DYNC1I1: variants seen among roughly 807,000 people sequenced by gnomAD.
DYNC1I1 encodes the protein cytoplasmic dynein 1 intermediate chain 1.
In DYNC1I1, 43 loss-of-function variants were observed where a neutral mutation model predicts 86.6. The ratio of observed to expected loss-of-function variants is 0.50; its 90% CI spans 0.39 to 0.64. The LOEUF (loss-of-function observed/expected upper bound fraction) is 0.64, where lower values mean the gene tolerates loss of function less well. Ranked by LOEUF, DYNC1I1 falls within the 30% of genes least tolerant of loss-of-function variation. The pLI is 0.00. For synonymous variants in DYNC1I1, 262 were observed against 283.7 expected, an observed-to-expected ratio of 0.92 and a Z score of 0.77; for missense variants, 604 against 788.8, an observed-to-expected ratio of 0.77 and a Z score of 2.81.
At chr7:96,000,133 G>A (rs1793973909) in intron 10 of DYNC1I1, among the ~76,000 whole-genome samples, 1 of 152,010 alleles carries the variant, frequency 6.6e-6, no homozygotes, top group Non-Finnish European at 1.5e-5. Flanking sequence ...GGTTATTACA[G>A]GTCAAAAAAG....
At chr7:95,885,094 C>A (rs1181374997) in intron 6 of DYNC1I1, among the ~76,000 whole-genome samples, 1 of 152,168 alleles carries the variant, frequency 6.6e-6, no homozygotes, top group African/African-American at 2.4e-5. Flanking sequence ...AATATCTTTT[C>A]ATTTCTAGAA....
At chr7:95,996,118 C>T (rs1793861765) in intron 10 of DYNC1I1, 45 bp downstream of exon 10, 2 of 1,612,044 alleles carry the variant, frequency 1.2e-6, no homozygotes, top group Admixed American at 1.7e-5. Context: ...CCTGCTAGAC[C>T]AAATATAGTT....
chr7:96,049,301 G>T lies in DYNC1I1; in HGVS notation c.1509+9880G>T, dbSNP rs1354072388. On this transcript the variant is annotated intron_variant, in intron 14 of 16. Transcript: ENST00000447467. ...AAAAATTACTAATCACATTTTGCAG[G>T]ACTATGGCTGAAAATAACCTTTATC... Among the ~76,000 whole-genome samples, 2 of 150,610 alleles carry T rather than the reference G, an allele frequency of 1.3e-5. 1 individual carries two copies.
chr7:96,081,067 CAAA>C (rs1278485393), intron 16 of DYNC1I1, among the ~76,000 whole-genome samples: 2 of 61,622 alleles, frequency 3.2e-5, no homozygotes, highest in African/African-American at 1.9e-4. Flanking sequence ...GACTCCATCT[CAAA>C]AAAAAAAGAA....
chr7:95,998,223 A>G (rs1793919280), intron 10 of DYNC1I1, among the ~76,000 whole-genome samples: 1 of 152,268 alleles, frequency 6.6e-6, no homozygotes, highest in Admixed American at 6.5e-5. Context: ...AGTGAGCAGT[A>G]GAGCCAATCC....
chr7:95,927,447 A>G (rs1228499647), intron 6 of DYNC1I1, among the ~76,000 whole-genome samples: 1 of 152,190 alleles, frequency 6.6e-6, no homozygotes, highest in Non-Finnish European at 1.5e-5. Context: ...CATTTGTGTT[A>G]GGACTTAAGG....
At chr7:95,807,226 A>G (rs1794721197) in intron 2 of DYNC1I1, among the ~76,000 whole-genome samples, 1 of 152,070 alleles carries the variant, frequency 6.6e-6, no homozygotes, top group Non-Finnish European at 1.5e-5. Context: ...CAAGGCCCCC[A>G]GTTTCATGGG....
At chr7:95,880,050 T>A (rs930592518) in intron 6 of DYNC1I1, among the ~76,000 whole-genome samples, 6 of 152,206 alleles carry the variant, frequency 3.9e-5, no homozygotes, top group African/African-American at 1.2e-4. Flanking sequence ...TTACAGTAAC[T>A]TATAATTGTC....
intron 6 of DYNC1I1, among the ~76,000 whole-genome samples, chr7:95,870,320 G>C (rs1790129313): frequency 3.3e-5 from 5 of 152,172 alleles, no homozygotes; most frequent in Admixed American, 2.6e-4. Flanking sequence ...AATACATTAA[G>C]CATACATTAA....
intron 6 of DYNC1I1, among the ~76,000 whole-genome samples, chr7:95,974,511 G>T (rs537907880): frequency 6.6e-6 from 1 of 152,144 alleles, no homozygotes; most frequent in Non-Finnish European, 1.5e-5. Flanking sequence ...AGAAATGGGG[G>T]CTCAGAGAGT....
In DYNC1I1 at chr7:95,893,311, GA is replaced by G. The variant is rs141281017; in HGVS notation, c.490+23316del. ...CTTGCAGTATGGATTTGTGACTCAAGAAAGTCCTGTTCATGTGTTTCTTCAT... is the reference window on the plus strand; with the variant it reads ...CTTGCAGTATGGATTTGTGACTCAAGAAGTCCTGTTCATGTGTTTCTTCAT... On this transcript the variant is annotated intron_variant, in intron 6 of 16. Coordinates refer to ENST00000447467, the MANE Select transcript of DYNC1I1 (RefSeq NM_001135556.2). Among the ~76,000 whole-genome samples, 37 of 152,340 alleles carry G rather than the reference GA, an allele frequency of 2.4e-4. No homozygotes were observed. The East Asian group carries it at 7.1e-3, about 29-fold the overall frequency.
At chr7:95,907,436 A>T (rs1372744769) in intron 6 of DYNC1I1, among the ~76,000 whole-genome samples, 1 of 152,128 alleles carries the variant, frequency 6.6e-6, no homozygotes, top group Non-Finnish European at 1.5e-5. Context: ...CAGTCAGCCT[A>T]ACCTCCTCTC....
chr7:95,985,529 C>T (rs1793567965), intron 8 of DYNC1I1, among the ~76,000 whole-genome samples: 1 of 151,986 alleles, frequency 6.6e-6, no homozygotes, highest in East Asian at 1.9e-4. Flanking sequence ...AGCAAGTGTC[C>T]CTAAATGACT....
chr7:95,773,502 G>C (rs760801948), intron 1 of DYNC1I1, among the ~76,000 whole-genome samples: 22 of 152,144 alleles, frequency 1.4e-4, no homozygotes, highest in Non-Finnish European at 3.2e-4. Flanking sequence ...GTGTGCGGGA[G>C]TCTCATGACT....
At chr7:95,894,928 G>C (rs1242171944) in intron 6 of DYNC1I1, among the ~76,000 whole-genome samples, 1 of 152,176 alleles carries the variant, frequency 6.6e-6, no homozygotes, top group Non-Finnish European at 1.5e-5. Flanking sequence ...TGTGCAATGA[G>C]TGGTCAGGCA....
chr7:96,042,812 G>A (rs961913532), intron 14 of DYNC1I1, among the ~76,000 whole-genome samples: 1 of 152,050 alleles, frequency 6.6e-6, no homozygotes, highest in African/African-American at 2.4e-5. Context: ...TGTATTTCAG[G>A]GTTACTAAAT....
intron 6 of DYNC1I1, among the ~76,000 whole-genome samples, chr7:95,885,518 G>A (rs1242710061): frequency 1.3e-5 from 2 of 151,994 alleles, no homozygotes; most frequent in African/African-American, 4.8e-5. Flanking sequence ...TTGCTGTGTT[G>A]CCCAGTCTGG....
intron 1 of DYNC1I1, among the ~76,000 whole-genome samples, chr7:95,777,607 A>G (rs185642230): frequency 1.0e-3 from 154 of 152,234 alleles, no homozygotes; most frequent in Admixed American, 2.2e-3. Context: ...CCGCTTACCT[A>G]TATTCTTGCT....
chr7:95,882,468 T>C (rs1045363959), intron 6 of DYNC1I1, among the ~76,000 whole-genome samples: 2 of 152,204 alleles, frequency 1.3e-5, no homozygotes, highest in African/African-American at 4.8e-5. Context: ...CCTCTATCCA[T>C]AGTTCATTCA....
Sources: allele counts gnomAD v4.1 joint callset (sites outside exome capture counted in the v4.1 genomes callset), GRCh38; gene constraint gnomAD v4.1.1; transcripts MANE v1.5; gene names NCBI Gene and HGNC (gene_info 2026-07-23, HGNC 2026-07-21).